STK10: variants seen among roughly 807,000 people sequenced by gnomAD.
The protein encoded by STK10 is serine/threonine-protein kinase 10.
Under a neutral mutation model 113.8 loss-of-function variants are expected in STK10, and 78 were observed. That is an observed-to-expected ratio of 0.69 (90% CI 0.57 to 0.83). The LOEUF (loss-of-function observed/expected upper bound fraction) is 0.83, where lower values mean the gene tolerates loss of function less well. Ranked by LOEUF, STK10 falls within the 40% of genes least tolerant of loss-of-function variation. The pLI, the probability that STK10 is intolerant of heterozygous loss-of-function variation, is 0.00. For missense variants in STK10, 1,109 were observed against 1,280.1 expected (o/e 0.87, Z 2.04); for synonymous variants, 465 against 494.7 (o/e 0.94, Z 0.80).
chr5:172,055,581 C>T lies in STK10; in HGVS notation c.2526+7G>A, dbSNP rs371241389. On this transcript the variant is annotated splice_region_variant and intron_variant, in intron 16 of 18. Coordinates refer to ENST00000176763, the MANE Select transcript of STK10 (RefSeq NM_005990.4). ...ACACTTGCAGACCCCGCAGGCCCGG[C>T]CCCCACCTGCTTGATCTTCTCACGC... 1.8e-4 allele frequency: 267 copies of T among 1,466,528 alleles called. 1 individual carries two copies. Among genetic ancestry groups the T allele is most frequent in the Non-Finnish European group, 1.6e-4 (172 of 1,098,846 alleles). 90.8% of individuals were successfully genotyped at this position (1,466,528 alleles called of 1,614,324 possible). A position where few individuals can be genotyped will look rare whatever the true frequency, so the allele number is the denominator to read the frequency against.
At chr5:172,045,046 G>T (rs373449507) in intron 18 of STK10, 24 bp from the exon 19 acceptor site, 5 of 1,612,210 alleles carry the variant, frequency 3.1e-6, no homozygotes, top group Non-Finnish European at 4.2e-6. Context: ...AGGATGGATG[G>T]CACTTGGTGA....
intron 5 of STK10, chr5:172,107,065 C>T (rs1018779030): frequency 1.8e-5 from 5 of 284,580 alleles, no homozygotes; most frequent in Admixed American, 4.8e-5. Context: ...CAACCCGGAA[C>T]ACAGAGTCCT....
chr5:172,061,482 C>T (rs913194231), intron 13 of STK10: 21 of 546,550 alleles, frequency 3.8e-5, no homozygotes, highest in Middle Eastern at 5.4e-4. Flanking sequence ...AGAACAGTCT[C>T]GGTCTGTCAC....
In STK10 at chr5:172,083,084, C is replaced by T; in HGVS notation, c.1686G>A (p.Arg562=). The T allele has an allele frequency of 2.5e-6, 4 of 1,614,042 alleles. 1 individual carries two copies. The South Asian group carries it at 4.4e-5, about 18-fold the overall frequency. ...EKKDEEMRFL[R]RQELRELRLL... The stretch of plus-strand genomic sequence containing the variant: ...GCCGAAGCTCTCGGAGTTCCTGGCG[C>T]CTGAAAGGTTAAAGGATACAGATAT... Residue 562 remains arginine (R), a splice_region_variant and synonymous_variant, in exon 11 of 19, where the codon AGG becomes AGA. Coordinates refer to ENST00000176763, the MANE Select transcript of STK10 (RefSeq NM_005990.4).
At position 172,165,278 on chromosome 5, in the gene STK10, T is replaced by G. The variant is rs182114628; in HGVS notation, c.157-8490A>C. On this transcript the variant is annotated intron_variant, in intron 1 of 18. Transcript: ENST00000176763. ...AAAACATTAGCCACCCCTCCTTAAC[T>G]CCAGCTCCCCAACCCAACTCTGCAG... 2.5e-3 allele frequency among the ~76,000 whole-genome samples: 386 copies of G among 151,896 alleles called. 2 individuals carry two copies. The highest frequency in any genetic ancestry group is 8.3e-3 in the African/African-American group (343 of 41,442).
chr5:172,178,781 C>T (rs189373199), intron 1 of STK10, among the ~76,000 whole-genome samples: 150 of 152,280 alleles, frequency 9.9e-4, no homozygotes, highest in Middle Eastern at 3.4e-3. Context: ...TACCGTCTGC[C>T]GGGCTGAATA....
At chr5:172,106,420 G>GAAAAAAAAAAAAAAAAAAAAAAAA (rs1416660493) in intron 6 of STK10, among the ~76,000 whole-genome samples, 200 bp downstream of exon 6, 26 of 45,436 alleles carry the variant, frequency 5.7e-4, no homozygotes, top group East Asian at 1.9e-3. Flanking sequence ...AAAAAAAAAG[G>GAAAAAAAAAAAAAAAAAAAAAAAA]AACACAAAGG....
chr5:172,117,869 T>G (rs1186316429), intron 3 of STK10, among the ~76,000 whole-genome samples: 1 of 151,780 alleles, frequency 6.6e-6, no homozygotes, highest in African/African-American at 2.4e-5. Flanking sequence ...AAAAATTAGC[T>G]GGGCACGGTG....
At chr5:172,131,500 T>C (rs752032270) in intron 2 of STK10, among the ~76,000 whole-genome samples, 5 of 152,232 alleles carry the variant, frequency 3.3e-5, no homozygotes, top group Non-Finnish European at 7.3e-5. Context: ...CCTGGCTTGC[T>C]TCCTCTTCTT....
intron 1 of STK10, among the ~76,000 whole-genome samples, chr5:172,184,993 C>T (rs1020210163): frequency 7.2e-5 from 11 of 151,924 alleles, no homozygotes; most frequent in South Asian, 2.1e-4. Flanking sequence ...TGACTTTCCA[C>T]GTGCTTTGGA....
Position 172,146,652 on chromosome 5 carries a change from C to A in STK10, c.321+9972G>T, listed in dbSNP as rs564267480. 1.1e-4 allele frequency among the ~76,000 whole-genome samples: 17 copies of A among 152,284 alleles called. No individual in the cohort carries two copies. In the South Asian group the frequency reaches 3.5e-3, roughly 32 times the overall value. ...CACCCAGCCTGGCGCACAGAGCCTG[C>A]GAGGGAATAGGGCCCGTGGGGCCAA... On this transcript the variant is annotated intron_variant, in intron 2 of 18. Transcript: ENST00000176763.
chr5:172,126,523 CA>C (rs1421859699), intron 3 of STK10, among the ~76,000 whole-genome samples: 1 of 152,132 alleles, frequency 6.6e-6, no homozygotes, highest in Non-Finnish European at 1.5e-5. Context: ...GAGATTGCGC[CA>C]CTGCACTCCA....
chr5:172,174,490 G>A (rs1321990405), intron 1 of STK10, among the ~76,000 whole-genome samples: 1 of 152,024 alleles, frequency 6.6e-6, no homozygotes, highest in East Asian at 1.9e-4. Context: ...CAGCAGTTAT[G>A]AACTGAACAT....
At chr5:172,076,174 T>G (rs990066196) in intron 12 of STK10, among the ~76,000 whole-genome samples, 89 of 143,948 alleles carry the variant, frequency 6.2e-4, no homozygotes, top group Non-Finnish European at 1.2e-3. Context: ...GGGGCTGTCC[T>G]GTGCGTTAGT....
At chr5:172,137,676 C>T (rs183460921) in intron 2 of STK10, among the ~76,000 whole-genome samples, 126 of 147,940 alleles carry the variant, frequency 8.5e-4, no homozygotes, top group African/African-American at 3.1e-3. Flanking sequence ...GTCAGGAGAT[C>T]GAGACCATCC....
intron 2 of STK10, 67 bp downstream of exon 2, chr5:172,156,557 G>T: frequency 1.3e-6 from 2 of 1,541,410 alleles, no homozygotes; most frequent in Admixed American, 1.9e-5. Flanking sequence ...AAGACTTCAG[G>T]ACCAGGCTAG....
chr5:172,051,676 C>T (rs1561787436), intron 18 of STK10, among the ~76,000 whole-genome samples: 1 of 152,030 alleles, frequency 6.6e-6, no homozygotes, highest in Non-Finnish European at 1.5e-5. Context: ...AGGGACGTTG[C>T]AAAGGGGCTA....
At chr5:172,158,799 A>G in intron 1 of STK10, among the ~76,000 whole-genome samples, 1 of 152,222 alleles carries the variant, frequency 6.6e-6, no homozygotes, top group East Asian at 1.9e-4. Flanking sequence ...CAGGAAACAT[A>G]GTGTATAATT....
chr5:172,129,676 A>C (rs1222875822), intron 2 of STK10, among the ~76,000 whole-genome samples: 3 of 152,234 alleles, frequency 2.0e-5, no homozygotes, highest in Non-Finnish European at 4.4e-5. Flanking sequence ...CTTTTGAAGC[A>C]CAGCATATCA....
Sources: gnomAD v4.1 joint callset for allele counts (sites outside exome capture counted in the v4.1 genomes callset) on GRCh38, gnomAD v4.1.1 for gene constraint, MANE v1.5 for transcripts, NCBI Gene and HGNC (gene_info 2026-07-23, HGNC 2026-07-21) for gene names.